Variants in EDN1 observed in about 807,000 individuals in gnomAD.
The protein encoded by EDN1 is endothelin 1.
EDN1 carries 11 observed loss-of-function variants against 21.7 expected under a neutral mutation model. The observed-to-expected ratio is 0.51, with a 90% CI of 0.32 to 0.84. EDN1 has a LOEUF of 0.84. EDN1 is among the 40% of genes least tolerant of loss of function. The pLI, the probability that EDN1 is intolerant of heterozygous loss-of-function variation, is 0.03. For missense variants in EDN1, 244 were observed against 262.3 expected (o/e 0.93, Z 0.48); for synonymous variants, 85 against 90.6 (o/e 0.94, Z 0.35).
At chr6:12,237,974 A>G in the EDN1 span, among the ~76,000 whole-genome samples, 1 of 152,160 alleles carries the variant, frequency 6.6e-6, no homozygotes, top group Non-Finnish European at 1.5e-5. Context: ...GTTCAAGACC[A>G]ACCTGGCCAA....
the EDN1 span, among the ~76,000 whole-genome samples, chr6:12,237,028 A>C: frequency 3.1e-5 from 4 of 130,128 alleles, no homozygotes; most frequent in African/African-American, 1.2e-4. Context: ...CCCTGTGTCC[A>C]AGTGTTCTCA....
chr6:12,288,895 G>C (rs1418722898), upstream of EDN1, among the ~76,000 whole-genome samples: 3 of 152,222 alleles, frequency 2.0e-5, no homozygotes, highest in African/African-American at 7.2e-5. Flanking sequence ...AAAACAAAAA[G>C]AGGAGATGGA....
the EDN1 span, among the ~76,000 whole-genome samples, chr6:12,243,910 T>C: frequency 3.3e-5 from 5 of 152,218 alleles, no homozygotes; most frequent in Admixed American, 1.3e-4. Flanking sequence ...TTTTTATTTG[T>C]CAATTGAGAA....
At chr6:12,277,654 G>A in the EDN1 span, among the ~76,000 whole-genome samples, 8 of 152,216 alleles carry the variant, frequency 5.3e-5, no homozygotes, top group African/African-American at 1.9e-4. Flanking sequence ...TTCAGGAATC[G>A]GCAGAGGAAG....
At chr6:12,268,040 C>A in the EDN1 span, among the ~76,000 whole-genome samples, 1 of 152,126 alleles carries the variant, frequency 6.6e-6, no homozygotes, top group Non-Finnish European at 1.5e-5. Flanking sequence ...ACCGTTTAGA[C>A]CTATTTTTTT....
At chr6:12,237,055 T>C in the EDN1 span, among the ~76,000 whole-genome samples, 1 of 147,716 alleles carries the variant, frequency 6.8e-6, no homozygotes, top group Admixed American at 6.8e-5. Flanking sequence ...AATTCCCTCC[T>C]ATAAGTGAGA....
At chr6:12,251,106 G>A in the EDN1 span, among the ~76,000 whole-genome samples, 2 of 152,146 alleles carry the variant, frequency 1.3e-5, no homozygotes, top group Non-Finnish European at 2.9e-5. Context: ...TAGGGATACT[G>A]ATAAAGGATA....
chr6:12,272,426 T>C, the EDN1 span, among the ~76,000 whole-genome samples: 1 of 151,628 alleles, frequency 6.6e-6, no homozygotes, highest in African/African-American at 2.4e-5. Flanking sequence ...CAAAATAAGT[T>C]TACATAATAA....
At chr6:12,274,939 C>T in the EDN1 span, among the ~76,000 whole-genome samples, 1 of 135,454 alleles carries the variant, frequency 7.4e-6, no homozygotes, top group East Asian at 2.1e-4. Flanking sequence ...TTTCTTCCTT[C>T]TCCTTCCTTC....
At chr6:12,238,491 A>T in the EDN1 span, among the ~76,000 whole-genome samples, 1 of 152,220 alleles carries the variant, frequency 6.6e-6, no homozygotes, top group Admixed American at 6.5e-5. Flanking sequence ...CTATGCAATG[A>T]GGAGGTTGGT....
Position 12,294,378 on chromosome 6 carries a change from T to C in EDN1, c.507T>C (p.Ser169=). 1 of 1,614,050 alleles carries C rather than the reference T, an allele frequency of 6.2e-7. No homozygotes were observed. Among genetic ancestry groups the C allele is most frequent in the Non-Finnish European group, 8.5e-7 (1 of 1,179,998 alleles). ...QLVRGRKIRR[S]SEEHLRQTRS... ...TGAGAGGAAGAAAAATCAGAAGAAG[T>C]TCAGAGGAACACCTAAGACAAACCA... The change falls in exon 4 of 5, where the codon AGT becomes AGC. Residue 169 remains serine, a synonymous_variant. Coordinates refer to ENST00000379375, the MANE Select transcript of EDN1 (RefSeq NM_001955.5).
At chr6:12,274,483 A>T in the EDN1 span, among the ~76,000 whole-genome samples, 11 of 152,218 alleles carry the variant, frequency 7.2e-5, no homozygotes, top group African/African-American at 2.7e-4. Context: ...ATTTATTTTT[A>T]AAACTTTTAT....
At chr6:12,284,535 A>G in the EDN1 span, among the ~76,000 whole-genome samples, 5 of 151,008 alleles carry the variant, frequency 3.3e-5, no homozygotes, top group Non-Finnish European at 7.4e-5. Context: ...GAAAGAAGGA[A>G]GGAAGGAAAG....
the EDN1 span, among the ~76,000 whole-genome samples, chr6:12,283,488 A>G: frequency 6.6e-6 from 1 of 152,204 alleles, no homozygotes; most frequent in African/African-American, 2.4e-5. Flanking sequence ...GAACTCATAC[A>G]ATATTTCCTA....
the EDN1 span, among the ~76,000 whole-genome samples, chr6:12,243,419 C>T: frequency 6.6e-5 from 10 of 151,748 alleles, no homozygotes; most frequent in African/African-American, 2.4e-4. Context: ...GGCAGGCACA[C>T]TGGGGGTAAC....
the EDN1 span, among the ~76,000 whole-genome samples, chr6:12,276,550 C>T: frequency 4.6e-5 from 7 of 152,110 alleles, no homozygotes; most frequent in South Asian, 2.1e-4. Context: ...ACGTTTGTAC[C>T]GAGTTATGGT....
chr6:12,264,605 C>T, the EDN1 span, among the ~76,000 whole-genome samples: 34 of 151,912 alleles, frequency 2.2e-4, no homozygotes, highest in Admixed American at 5.3e-4. Context: ...CTAACACTAA[C>T]GATAGCTGAG....
chr6:12,237,297 C>T, the EDN1 span, among the ~76,000 whole-genome samples: 1 of 152,046 alleles, frequency 6.6e-6, no homozygotes, highest in Admixed American at 6.5e-5. Context: ...TATTTCTTAA[C>T]TGGAACAAAG....
chr6:12,273,848 A>T, the EDN1 span, among the ~76,000 whole-genome samples: 2 of 152,196 alleles, frequency 1.3e-5, no homozygotes, highest in African/African-American at 4.8e-5. Flanking sequence ...CTTCCAGCGT[A>T]CAATATAGAA....
Sources: allele counts gnomAD v4.1 joint callset (sites outside exome capture counted in the v4.1 genomes callset), GRCh38; gene constraint gnomAD v4.1.1; transcripts MANE v1.5; gene names NCBI Gene and HGNC (gene_info 2026-07-23, HGNC 2026-07-21).